CLEC10A: variants seen among roughly 807,000 people sequenced by gnomAD.
CLEC10A encodes C-type lectin domain containing 10A.
Under a neutral mutation model 42.0 loss-of-function variants are expected in CLEC10A, and 38 were observed. That is an observed-to-expected ratio of 0.90 (90% CI 0.70 to 1.18). CLEC10A has a LOEUF of 1.18. Among genes scored for constraint, CLEC10A ranks in the 50% most tolerant of loss-of-function variants. The pLI is 0.00. For synonymous variants in CLEC10A, 126 were observed against 139.9 expected (o/e 0.90, Z 0.70); for missense variants, 298 against 345.9 (o/e 0.86, Z 1.10).
At position 7,076,723 on chromosome 17, in the gene CLEC10A, G is replaced by T; in HGVS notation, c.352+10C>A. The T allele has an allele frequency of 6.2e-7, 1 of 1,613,380 alleles. No homozygotes were observed. Among genetic ancestry groups the T allele is most frequent in the Non-Finnish European group, 8.5e-7 (1 of 1,179,786 alleles). ...TAGCCCCCCACACCCATACTCGGAG[G>T]GTCTCTCACCTGCCTGCCGTTCCTG... is the stretch of plus-strand genomic sequence containing the variant. On this transcript the variant is annotated intron_variant, in intron 5 of 8. Coordinates refer to ENST00000416562, the MANE Select transcript of CLEC10A (RefSeq NM_001330070.2).
At chr17:7,076,189 C>T in intron 5 of CLEC10A, 118 bp from the exon 6 acceptor site, 1 of 1,581,902 alleles carries the variant, frequency 6.3e-7, no homozygotes, top group East Asian at 2.3e-5. Context: ...TCCTTCCCGC[C>T]CCCACCCACC....
chr17:7,075,810 CCAGAGTGAGA>C lies in CLEC10A; in HGVS notation c.505_514del (p.Ser169GlyfsTer13), dbSNP rs1375066391. The stretch of plus-strand genomic sequence containing the variant: ...CTTCTCAGCCTCGGCCCAGGACATC[CCAGAGTGAGA>C]GAACCAGTAGCAGCTGTCTTGGTGC... On this transcript the variant is annotated frameshift_variant, in exon 7 of 9. Transcript: ENST00000416562. LOFTEE classifies it high-confidence loss of function. 6.2e-7 allele frequency: 1 copy of C among 1,614,052 alleles called. No homozygotes were observed. The highest frequency in any genetic ancestry group is 8.5e-7 in the Non-Finnish European group (1 of 1,180,038).
At chr17:7,076,594 G>T in intron 5 of CLEC10A, 139 bp downstream of exon 5, 1 of 978,474 alleles carries the variant, frequency 1.0e-6, no homozygotes, top group South Asian at 1.3e-5. Context: ...TTACAGGCGT[G>T]AACCACTGCG....
Position 7,078,801 on chromosome 17 carries a change from C to T in CLEC10A, c.12G>A (p.Thr4=), listed in dbSNP as rs371420706. The T allele has an allele frequency of 2.0e-5, 32 of 1,614,102 alleles. No homozygotes were observed. The highest frequency in any genetic ancestry group is 1.6e-4 in the Middle Eastern group (1 of 6,062). Residue 4 remains threonine (T), a synonymous_variant, in exon 2 of 9, where the codon ACG becomes ACA. Coordinates refer to ENST00000416562, the MANE Select transcript of CLEC10A (RefSeq NM_001330070.2). MTR[T]YENFQYLENK... ...TCTCCAAGTACTGGAAGTTTTCATACGTCCTTGTCATGCTTGGGCCAACAC... is the reference window on the plus strand; with the variant it reads ...TCTCCAAGTACTGGAAGTTTTCATATGTCCTTGTCATGCTTGGGCCAACAC...
Position 7,076,028 on chromosome 17 carries a change from G to C in CLEC10A, c.396C>G (p.Asp132Glu). 6.2e-7 allele frequency: 1 copy of C among 1,614,202 alleles called. No individual in the cohort carries two copies. The highest frequency in any genetic ancestry group is 8.5e-7 in the Non-Finnish European group (1 of 1,180,028). ...MLLRVQQLVQ[D>E]LKKLTCQVAT... ...CCACCTGGCAGGTCAGTTTCTTCAG[G>C]TCTTGCACCAGCTGCTGGACTCGCA... The change falls in exon 6 of 9, where the codon GAC (aspartate) becomes GAG (glutamate). Residue 132 changes from aspartate to glutamate, a missense_variant. Asp to Glu is a conservative substitution (Grantham distance 45, BLOSUM62 2). Around this residue, in one of 3 missense-constraint regions of CLEC10A, gnomAD observed 267 missense variants for 289.5 expected, o/e 0.92. Coordinates refer to ENST00000416562, the MANE Select transcript of CLEC10A (RefSeq NM_001330070.2).
intron 2 of CLEC10A, 138 bp downstream of exon 2, chr17:7,078,608 G>A: frequency 1.3e-6 from 1 of 789,674 alleles, no homozygotes; most frequent in Non-Finnish European, 2.2e-6. Context: ...CTTCACACTA[G>A]GCCCGTCAGA....
Position 7,074,706 on chromosome 17 carries a change from A to C in CLEC10A, c.*348T>G. 1 of 172,810 alleles carries C rather than the reference A, an allele frequency of 5.8e-6. No homozygotes were observed. Among genetic ancestry groups the C allele is most frequent in the Non-Finnish European group, 1.2e-5 (1 of 82,278 alleles). 10.7% of individuals were successfully genotyped at this position (172,810 alleles called of 1,614,324 possible). A position where few individuals can be genotyped will look rare whatever the true frequency, so the allele number is the denominator to read the frequency against. On this transcript the variant is annotated 3_prime_UTR_variant, in exon 9 of 9. Coordinates refer to ENST00000416562, the MANE Select transcript of CLEC10A (RefSeq NM_001330070.2). ...GGAAGTGGTTGGACTGCCCAGAGGC[A>C]TGAGGGGACTGGTGGGGGCGATGGC... is the stretch of plus-strand genomic sequence containing the variant.
chr17:7,077,567 C>G (rs141962885), intron 3 of CLEC10A, among the ~76,000 whole-genome samples: 1 of 97,456 alleles, frequency 1.0e-5, no homozygotes, highest in Non-Finnish European at 2.1e-5. Context: ...TCAGTGCCCC[C>G]CCACCATTCC....
chr17:7,075,798 G>C lies in CLEC10A; in HGVS notation c.527C>G (p.Ala176Gly), dbSNP rs35101468. ...YWFSHSGMSWAEAEKYCQLKN... is the reference protein window; with the variant it reads ...YWFSHSGMSWGEAEKYCQLKN... ...CAGCTGGCAGTACTTCTCAGCCTCGGCCCAGGACATCCCAGAGTGAGAGAA... is the reference window on the plus strand; with the variant it reads ...CAGCTGGCAGTACTTCTCAGCCTCGCCCCAGGACATCCCAGAGTGAGAGAA... Residue 176 changes from alanine (A) to glycine (G), a missense_variant, in exon 7 of 9, where the codon GCC becomes GGC. Ala to Gly is a moderately conservative substitution (Grantham distance 60, BLOSUM62 0). Transcript: ENST00000416562. 996 of 1,614,174 alleles carry C rather than the reference G, an allele frequency of 6.2e-4. 6 individuals are homozygous for C. In the African/African-American group the frequency reaches 0.012, roughly 19 times the overall value.
At position 7,075,779 on chromosome 17, in the gene CLEC10A, G is replaced by A. The variant is rs541748001; in HGVS notation, c.546C>T (p.Cys182=). ...GMSWAEAEKY[C]QLKNAHLVVI... is the part of the protein sequence containing the mutation. The stretch of plus-strand genomic sequence containing the variant: ...CCACCAGGTGGGCGTTCTTCAGCTG[G>A]CAGTACTTCTCAGCCTCGGCCCAGG... Residue 182 remains cysteine (C), a synonymous_variant, in exon 7 of 9, where the codon TGC becomes TGT. Coordinates refer to ENST00000416562, the MANE Select transcript of CLEC10A (RefSeq NM_001330070.2). 3 of 1,614,196 alleles carry A rather than the reference G, an allele frequency of 1.9e-6. No individual in the cohort carries two copies. The highest frequency in any genetic ancestry group is 2.5e-6 in the Non-Finnish European group (3 of 1,180,034).
In CLEC10A at chr17:7,074,882, A is replaced by G. The variant is rs1426023666; in HGVS notation, c.*172T>C. ...AAAGTTGGAAAAAAAATAAAAGCTT[A>G]AGAACACTATACCATCTTTTTAAAA... is the stretch of plus-strand genomic sequence containing the variant. On this transcript the variant is annotated 3_prime_UTR_variant, in exon 9 of 9. Coordinates refer to ENST00000416562, the MANE Select transcript of CLEC10A (RefSeq NM_001330070.2). The G allele has an allele frequency of 2.2e-6, 1 of 451,038 alleles. No homozygotes were observed. Among genetic ancestry groups the G allele is most frequent in the Non-Finnish European group, 3.7e-6 (1 of 267,720 alleles). The allele number at this position is 451,038 out of a possible 1,614,324, so 27.9% of individuals were successfully genotyped here.
chr17:7,076,372 G>A (rs112566608), intron 5 of CLEC10A, among the ~76,000 whole-genome samples: 2 of 144,616 alleles, frequency 1.4e-5, no homozygotes, highest in African/African-American at 2.6e-5. Flanking sequence ...GTGCAATGGC[G>A]CGATCTCGGC....
intron 5 of CLEC10A, among the ~76,000 whole-genome samples, chr17:7,076,450 A>G (rs1911755176): frequency 6.6e-6 from 1 of 150,480 alleles, no homozygotes; most frequent in Admixed American, 6.7e-5. Context: ...AGCTGAGATT[A>G]CAGGCGCCCA....
At position 7,075,073 on chromosome 17, in the gene CLEC10A, G is replaced by T; in HGVS notation, c.851C>A (p.Thr284Asn). ...HWVCEAGLGQTSQESH is the reference protein window; with the variant it reads ...HWVCEAGLGQNSQESH Reference sequence around the variant, plus strand: ...GGCAGCTCAGTGACTCTCCTGGCTGGTCTGACCCAGGCCAGCCTCGCAGAC... The same window carrying T: ...GGCAGCTCAGTGACTCTCCTGGCTGTTCTGACCCAGGCCAGCCTCGCAGAC... Residue 284 changes from threonine to asparagine, a missense_variant, in exon 9 of 9, where the codon ACC (threonine) becomes AAC (asparagine). Physicochemically the swap from Thr to Asn is moderately conservative, Grantham distance 65. Around this residue, in one of 3 missense-constraint regions of CLEC10A, gnomAD observed 267 missense variants for 289.5 expected, o/e 0.92. Coordinates refer to ENST00000416562, the MANE Select transcript of CLEC10A (RefSeq NM_001330070.2). The T allele has an allele frequency of 6.3e-7, 1 of 1,584,130 alleles. No individual in the cohort carries two copies.
intron 3 of CLEC10A, among the ~76,000 whole-genome samples, chr17:7,077,277 G>C (rs1275746858): frequency 7.7e-6 from 1 of 129,116 alleles, no homozygotes; most frequent in African/African-American, 3.0e-5. Context: ...CACTCCATCA[G>C]TGCCCCCCCA....
chr17:7,078,585 G>A, intron 2 of CLEC10A, 161 bp downstream of exon 2: 1 of 685,798 alleles, frequency 1.5e-6, no homozygotes, highest in Admixed American at 2.4e-5. Context: ...TCTTTCTAGA[G>A]ACCTTGCATC....
rs1912021205 is a variant in CLEC10A, at chr17:7,078,928, G to A, written c.-73-43C>T. 3.3e-6 allele frequency: 3 copies of A among 897,648 alleles called. No homozygotes were observed. In the Admixed American group the frequency reaches 5.2e-5, roughly 16 times the overall value. The allele number at this position is 897,648 out of a possible 1,614,324, so 55.6% of individuals were successfully genotyped here. ...GGGACTAAGTTGGAGCCAAGGGCAGGGCTGACGTTGAGTTGGGAGATGAGG... is the reference window on the plus strand; with the variant it reads ...GGGACTAAGTTGGAGCCAAGGGCAGAGCTGACGTTGAGTTGGGAGATGAGG... On this transcript the variant is annotated intron_variant, in intron 1 of 8. Coordinates refer to ENST00000416562, the MANE Select transcript of CLEC10A (RefSeq NM_001330070.2).
Position 7,074,886 on chromosome 17 carries a change from A to G in CLEC10A, c.*168T>C, listed in dbSNP as rs1196966167. The G allele has an allele frequency of 1.9e-5, 9 of 467,262 alleles. No individual in the cohort carries two copies. The East Asian group carries it at 3.2e-4, about 16-fold the overall frequency. The allele number at this position is 467,262 out of a possible 1,614,324, so 28.9% of individuals were successfully genotyped here. A position where few individuals can be genotyped will look rare whatever the true frequency, so the allele number is the denominator to read the frequency against. Reference sequence around the variant, plus strand: ...TTGGAAAAAAAATAAAAGCTTAAGAACACTATACCATCTTTTTAAAATTAA... The same window carrying G: ...TTGGAAAAAAAATAAAAGCTTAAGAGCACTATACCATCTTTTTAAAATTAA... On this transcript the variant is annotated 3_prime_UTR_variant, in exon 9 of 9. Transcript: ENST00000416562.
At position 7,074,877 on chromosome 17, in the gene CLEC10A, A is replaced by C. The variant is rs1299526280; in HGVS notation, c.*177T>G. 4 of 438,262 alleles carry C rather than the reference A, an allele frequency of 9.1e-6. No individual in the cohort carries two copies. In the East Asian group the frequency reaches 1.4e-4, roughly 16 times the overall value. 27.1% of individuals were successfully genotyped at this position (438,262 alleles called of 1,614,324 possible). A position where few individuals can be genotyped will look rare whatever the true frequency, so the allele number is the denominator to read the frequency against. On this transcript the variant is annotated 3_prime_UTR_variant, in exon 9 of 9. Coordinates refer to ENST00000416562, the MANE Select transcript of CLEC10A (RefSeq NM_001330070.2). ...TTTCAAAAGTTGGAAAAAAAATAAA[A>C]GCTTAAGAACACTATACCATCTTTT...
Sources: gnomAD v4.1 joint callset for allele counts (sites outside exome capture counted in the v4.1 genomes callset) on GRCh38, gnomAD v4.1.1 for gene constraint, gnomAD v4.1.1 regional missense constraint, MANE v1.5 for transcripts, NCBI Gene and HGNC (gene_info 2026-07-23, HGNC 2026-07-21) for gene names.